STOX2: variants seen among roughly 807,000 people sequenced by gnomAD.
STOX2 encodes storkhead-box protein 2.
In STOX2, 28 loss-of-function variants were observed where a neutral mutation model predicts 60.9. That is an observed-to-expected ratio of 0.46 (90% CI 0.34 to 0.63). The LOEUF is 0.63. Among genes scored for constraint, STOX2 ranks in the 30% least tolerant of loss-of-function variants. The pLI, the probability that STOX2 is intolerant of heterozygous loss-of-function variation, is 0.01. For missense variants in STOX2, 1,024 were observed against 1,187.7 expected, an observed-to-expected ratio of 0.86 and a Z score of 2.03; for synonymous variants, 472 against 463.9, an observed-to-expected ratio of 1.02 and a Z score of -0.22.
chr4:183,824,279 A>G (rs1426493552), intron 1 of STOX2, among the ~76,000 whole-genome samples: 1 of 152,238 alleles, frequency 6.6e-6, no homozygotes, highest in African/African-American at 2.4e-5. Flanking sequence ...AAGCTAATAC[A>G]ATATTCTCAC....
rs780555865 is a variant in STOX2, at chr4:183,856,358, G to A, written c.364+58303G>A. 1.1e-4 allele frequency among the ~76,000 whole-genome samples: 17 copies of A among 152,154 alleles called. No individual in the cohort carries two copies. Among genetic ancestry groups the A allele is most frequent in the African/African-American group, 3.6e-4 (15 of 41,418 alleles). ...AAGAGCACCCTTCAGGAGAACAGAC[G>A]CAAATACGCACAAACAGTTGCAAAG... On this transcript the variant is annotated intron_variant, in intron 1 of 2. Transcript: ENST00000513034. This position sits in a 1 kb window ranked among gnomAD's most constrained non-coding sequence, Gnocchi z 4.0.
At chr4:183,807,277 C>T (rs956732663) in intron 1 of STOX2, among the ~76,000 whole-genome samples, 5 of 152,200 alleles carry the variant, frequency 3.3e-5, no homozygotes, top group African/African-American at 1.2e-4. Context: ...CGGCCTCTGA[C>T]ACTTTCATGC....
chr4:184,013,136 C>G (rs1467324878), intron 3 of STOX2, among the ~76,000 whole-genome samples: 1 of 152,192 alleles, frequency 6.6e-6, no homozygotes, highest in Non-Finnish European at 1.5e-5. Context: ...CTTCCACAGA[C>G]AGGAAGCTGC....
intron 1 of STOX2, among the ~76,000 whole-genome samples, chr4:183,925,353 CT>C (rs1300189245): frequency 1.3e-5 from 2 of 152,154 alleles, no homozygotes; most frequent in East Asian, 3.9e-4. Context: ...TTCAAACTCA[CT>C]TTTTTTTCGG....
intron 1 of STOX2, among the ~76,000 whole-genome samples, chr4:183,933,571 T>C (rs35814015): frequency 0.65 from 98,707 of 152,018 alleles, 37,641 homozygotes; most frequent in Non-Finnish European, 0.87. Flanking sequence ...GTATTTTTAG[T>C]AGAGACGGGG....
intron 1 of STOX2, among the ~76,000 whole-genome samples, chr4:183,898,018 T>C (rs62339671): frequency 0.042 from 6,430 of 152,346 alleles, 185 homozygotes; most frequent in South Asian, 0.098. Context: ...TTAACAAATA[T>C]ATTAGGCATA....
chr4:183,913,192 G>A (rs1175480801), intron 1 of STOX2, among the ~76,000 whole-genome samples: 5 of 152,188 alleles, frequency 3.3e-5, no homozygotes, highest in African/African-American at 1.2e-4. Context: ...ACCAAGGCAT[G>A]AAGCTGGAAA....
rs146113591 is a variant in STOX2 at position 183,831,035 on chromosome 4, G to C, written c.364+32980G>C. ...GGATTCTGGGTTAGTCCTCGGCGGA[G>C]ATGGCCAAGCACTACATGGGACCGA... On this transcript the variant is annotated intron_variant, in intron 1 of 2. Coordinates refer to the STOX2 transcript ENST00000513034. 5.5e-3 allele frequency among the ~76,000 whole-genome samples: 832 copies of C among 152,018 alleles called. 8 individuals carry two copies. Among genetic ancestry groups the C allele is most frequent in the African/African-American group, 0.019 (792 of 41,434 alleles).
rs57369052 is a variant in STOX2 at position 183,990,578 on chromosome 4, A to ATTTTTT, written c.167-10715_167-10710dup. Among the ~76,000 whole-genome samples the ATTTTTT allele has an allele frequency of 1.6e-3, 128 of 82,460 alleles. 12 individuals are homozygous for ATTTTTT. Among genetic ancestry groups the ATTTTTT allele is most frequent in the Non-Finnish European group, 2.3e-3 (108 of 46,516 alleles). 54.1% of individuals were successfully genotyped at this position (82,460 alleles called of 152,430 possible). On this transcript the variant is annotated intron_variant, in intron 1 of 3. Transcript: ENST00000308497. The stretch of plus-strand genomic sequence containing the variant: ...GAAGAGGGGCAGTTTAAAAAGCAGG[A>ATTTTTT]TTTTTTTTTTTTTTTTTTTTTTTTT...
intron 1 of STOX2, among the ~76,000 whole-genome samples, chr4:183,884,318 T>C (rs1477673656): frequency 6.9e-6 from 1 of 145,976 alleles, no homozygotes; most frequent in East Asian, 2.0e-4. Context: ...TTTTTTTTTT[T>C]AGTGTGAGCA....
chr4:183,818,253 G>T (rs1378671252), intron 1 of STOX2, among the ~76,000 whole-genome samples: 3 of 152,050 alleles, frequency 2.0e-5, no homozygotes, highest in Admixed American at 6.5e-5. Context: ...GCCTTCCTCA[G>T]TGTTTGTGTC....
chr4:183,943,384 T>C (rs996015251), intron 1 of STOX2, among the ~76,000 whole-genome samples: 4 of 152,244 alleles, frequency 2.6e-5, no homozygotes, highest in African/African-American at 9.6e-5. Flanking sequence ...ATACCTATTA[T>C]GTATCCAGAT....
At chr4:183,843,111 G>A (rs906500629) in intron 1 of STOX2, among the ~76,000 whole-genome samples, 1 of 139,820 alleles carries the variant, frequency 7.2e-6, no homozygotes, top group Non-Finnish European at 1.5e-5. Context: ...TCGCGCCACC[G>A]TACTCCACCC....
rs977687852 is a variant in STOX2, at chr4:183,806,198, A to G, written c.364+8143A>G. ...CACGATTAAAGACTCCATTTTCCCA[A>G]TTTATTGTGAAGGCCCTGTAATAAT... On this transcript the variant is annotated intron_variant, in intron 1 of 2. Transcript: ENST00000513034. This position sits in a 1 kb window ranked among gnomAD's most constrained non-coding sequence, Gnocchi z 4.1. 3.3e-5 allele frequency among the ~76,000 whole-genome samples: 5 copies of G among 152,138 alleles called. No individual in the cohort carries two copies. The highest frequency in any genetic ancestry group is 1.2e-4 in the African/African-American group (5 of 41,432).
intron 1 of STOX2, among the ~76,000 whole-genome samples, chr4:183,895,214 A>C (rs1300958833): frequency 6.6e-6 from 1 of 152,184 alleles, no homozygotes; most frequent in South Asian, 2.1e-4. Flanking sequence ...TGCCTGCCTT[A>C]TGCATAAGGC....
chr4:183,833,854 C>T (rs1413874311), intron 1 of STOX2, among the ~76,000 whole-genome samples: 2 of 151,056 alleles, frequency 1.3e-5, no homozygotes, highest in African/African-American at 2.4e-5. Flanking sequence ...TGGTGGCAGG[C>T]GCCTGTAGTC....
At chr4:183,832,005 T>C (rs2111121371) in intron 1 of STOX2, among the ~76,000 whole-genome samples, 1 of 151,160 alleles carries the variant, frequency 6.6e-6, no homozygotes, top group African/African-American at 2.4e-5. Flanking sequence ...TTTTTTTTTT[T>C]TGAGACAGAG....
At chr4:183,974,030 C>G (rs1414342911) in intron 1 of STOX2, among the ~76,000 whole-genome samples, 3 of 152,098 alleles carry the variant, frequency 2.0e-5, no homozygotes, top group African/African-American at 7.2e-5. Flanking sequence ...ATCAAATATT[C>G]TAGCATTGGT....
upstream of STOX2, among the ~76,000 whole-genome samples, chr4:183,904,469 G>A (rs1470162759): frequency 3.3e-5 from 5 of 151,914 alleles, no homozygotes; most frequent in Non-Finnish European, 7.3e-5. Flanking sequence ...TTCTAAAGCT[G>A]TAATCTTTCT....
Sources: gnomAD v4.1 joint callset for allele counts (sites outside exome capture counted in the v4.1 genomes callset) on GRCh38, gnomAD v4.1.1 for gene constraint, Gnocchi (gnomAD v3.1) non-coding constraint, MANE v1.5 for transcripts, NCBI Gene and HGNC (gene_info 2026-07-23, HGNC 2026-07-21) for gene names.